The following WDFY4 variants were observed in gnomAD, a reference collection of about 807,000 sequenced individuals.
The protein encoded by WDFY4 is WD repeat- and FYVE domain-containing protein 4.
WDFY4 carries 169 observed loss-of-function variants against 351.9 expected under a neutral mutation model. The ratio of observed to expected loss-of-function variants is 0.48; its 90% CI spans 0.42 to 0.55. The LOEUF is 0.55. Among genes scored for constraint, WDFY4 ranks in the 20% least tolerant of loss-of-function variants. WDFY4 has a pLI of 0.00. For missense variants in WDFY4, 3,803 were observed against 3,935.6 expected (o/e 0.97, Z 0.90); for synonymous variants, 1,622 against 1,574.6 (o/e 1.03, Z -0.71).
chr10:48,845,322 C>T (rs76935273), intron 39 of WDFY4, among the ~76,000 whole-genome samples: 1,967 of 152,332 alleles, frequency 0.013, 22 homozygotes, highest in Admixed American at 0.02. Context: ...GGGCTTCCTT[C>T]AACCTCCCCC....
At chr10:48,866,336 CAT>C (rs1353582877) in intron 39 of WDFY4, among the ~76,000 whole-genome samples, 1 of 151,880 alleles carries the variant, frequency 6.6e-6, no homozygotes, top group Non-Finnish European at 1.5e-5. Context: ...TTCTTTGACC[CAT>C]TAGTTATTTA....
chr10:48,804,881 A>G, intron 25 of WDFY4: 1 of 656,956 alleles, frequency 1.5e-6, no homozygotes, highest in Non-Finnish European at 1.9e-6. Context: ...CAACCAGACA[A>G]GCTAGTGAAG....
chr10:48,779,394 G>A (rs2066144262), intron 18 of WDFY4, among the ~76,000 whole-genome samples: 1 of 152,216 alleles, frequency 6.6e-6, no homozygotes, highest in Non-Finnish European at 1.5e-5. Flanking sequence ...GCCTGAGATG[G>A]TCAAGTCCAG....
At chr10:48,904,276 TG>T (rs2133428095) in intron 47 of WDFY4, among the ~76,000 whole-genome samples, 1 of 152,306 alleles carries the variant, frequency 6.6e-6, no homozygotes, top group East Asian at 1.9e-4. Flanking sequence ...CCAACTGTAA[TG>T]GGCATAGTTT....
At chr10:48,841,792 G>A (rs1417827433) in intron 39 of WDFY4, among the ~76,000 whole-genome samples, 1 of 152,198 alleles carries the variant, frequency 6.6e-6, no homozygotes, top group Non-Finnish European at 1.5e-5. Context: ...TCTTAGATTA[G>A]GGGTCTTCCT....
At position 48,977,104 on chromosome 10, in the gene WDFY4, C is replaced by T. The variant is rs73298972; in HGVS notation, c.9291+125C>T. ...GAGACCATTCCAGAACGGGTACCTA[C>T]AGCAAAGGAAGGGAAAAGACAAGGC... On this transcript the variant is annotated intron_variant, in intron 59 of 61. Coordinates refer to ENST00000325239, the MANE Select transcript of WDFY4 (RefSeq NM_001394531.1). The T allele has an allele frequency of 1.8e-4, 171 of 959,196 alleles. No individual in the cohort carries two copies. In the African/African-American group the frequency reaches 2.7e-3, roughly 15 times the overall value. The allele number at this position is 959,196 out of a possible 1,614,324, so 59.4% of individuals were successfully genotyped here. A position where few individuals can be genotyped will look rare whatever the true frequency, so the allele number is the denominator to read the frequency against.
rs1314343959 is a variant in WDFY4, at chr10:48,830,619, A to T, written c.6341-81A>T. On this transcript the variant is annotated intron_variant, in intron 37 of 61. Coordinates refer to ENST00000325239, the MANE Select transcript of WDFY4 (RefSeq NM_001394531.1). ...AAGTGAGAAGGGTGTGGGTAAAACCACTCATGATGCACCATCTCCCAGCCC... is the reference window on the plus strand; with the variant it reads ...AAGTGAGAAGGGTGTGGGTAAAACCTCTCATGATGCACCATCTCCCAGCCC... 4.1e-6 allele frequency: 6 copies of T among 1,456,766 alleles called. No homozygotes were observed. The Admixed American group carries it at 1.1e-4, about 26-fold the overall frequency. The allele number at this position is 1,456,766 out of a possible 1,614,324, so 90.2% of individuals were successfully genotyped here. A position where few individuals can be genotyped will look rare whatever the true frequency, so the allele number is the denominator to read the frequency against.
At chr10:48,804,709 A>G in intron 25 of WDFY4, 1 of 984,822 alleles carries the variant, frequency 1.0e-6, no homozygotes, top group Non-Finnish European at 1.2e-6. Context: ...ACAGATATTT[A>G]TCCTGGGAGC....
At chr10:48,977,175 TACACACACAGACACACACATGCAC>T (rs1564545722) in intron 59 of WDFY4, 196 bp downstream of exon 59, 4 of 398,040 alleles carry the variant, frequency 1.0e-5, no homozygotes, top group Non-Finnish European at 1.7e-5. Context: ...TATATAGTAT[TACACACACAGACACACACATGCAC>T]ACACACACAG....
intron 5 of WDFY4, among the ~76,000 whole-genome samples, chr10:48,724,399 G>A (rs569061498): frequency 3.8e-4 from 58 of 152,258 alleles, no homozygotes; most frequent in African/African-American, 1.4e-3. Context: ...GGTAGTGCAT[G>A]AGTTCTGGCA....
chr10:48,900,169 C>G, intron 45 of WDFY4, 52 bp from the exon 46 acceptor site: 2 of 1,487,058 alleles, frequency 1.3e-6, no homozygotes, highest in South Asian at 2.5e-5. Context: ...CACCCTGGGG[C>G]GTCTCTAGTC....
chr10:48,741,480 ATG>A (rs2064849569), intron 11 of WDFY4, among the ~76,000 whole-genome samples: 3 of 141,044 alleles, frequency 2.1e-5, no homozygotes, highest in African/African-American at 5.2e-5. Flanking sequence ...AAAAAAAAAA[ATG>A]GAGCTCCCAA....
chr10:48,771,275 T>C lies in WDFY4; in HGVS notation c.2554-3183T>C, dbSNP rs144749347. ...ATATGGAAGAACACTATCTTATTTC[T>C]GTCACTTAGTGCTAGCAACATACTC... On this transcript the variant is annotated intron_variant, in intron 13 of 61. Transcript: ENST00000325239. Among the ~76,000 whole-genome samples, 2 of 152,390 alleles carry C rather than the reference T, an allele frequency of 1.3e-5. 1 individual carries two copies. Among genetic ancestry groups the C allele is most frequent in the Non-Finnish European group, 2.9e-5 (2 of 68,034 alleles).
Position 48,970,114 on chromosome 10 carries a change from C to A in WDFY4, c.8770-17C>A, listed in dbSNP as rs1423270924. On this transcript the variant is annotated splice_polypyrimidine_tract_variant and intron_variant, in intron 56 of 61. Coordinates refer to ENST00000325239, the MANE Select transcript of WDFY4 (RefSeq NM_001394531.1). ...TGCTGTCTCCACAGCAGCGCTCATC[C>A]CCCTTATCTCCTACAGGTCCTGATG... The A allele has an allele frequency of 6.4e-7, 1 of 1,550,866 alleles. No individual in the cohort carries two copies. Among genetic ancestry groups the A allele is most frequent in the East Asian group, 2.4e-5 (1 of 40,906 alleles).
At chr10:48,712,282 A>G (rs2063786879) in intron 2 of WDFY4, among the ~76,000 whole-genome samples, 1 of 152,212 alleles carries the variant, frequency 6.6e-6, no homozygotes, top group South Asian at 2.1e-4. Context: ...AGACAAGACA[A>G]TGATTATAAA....
chr10:48,765,283 T>C (rs1202566485), intron 13 of WDFY4, among the ~76,000 whole-genome samples: 1 of 152,236 alleles, frequency 6.6e-6, no homozygotes, highest in East Asian at 1.9e-4. Flanking sequence ...AGGGCAGACT[T>C]CAGGCTCTGA....
intron 1 of WDFY4, among the ~76,000 whole-genome samples, chr10:48,704,323 G>A (rs1264258021): frequency 6.6e-6 from 1 of 152,186 alleles, no homozygotes; most frequent in Non-Finnish European, 1.5e-5. Context: ...GGCTGTGTGA[G>A]AAGGCAAGTT....
intron 7 of WDFY4, among the ~76,000 whole-genome samples, chr10:48,728,669 C>T (rs534821598): frequency 4.3e-4 from 66 of 152,216 alleles, no homozygotes; most frequent in Non-Finnish European, 6.6e-4. Context: ...TCCAAAGGGA[C>T]GCTAAGTGTA....
intron 43 of WDFY4, among the ~76,000 whole-genome samples, chr10:48,879,614 T>G (rs1312497880): frequency 6.6e-6 from 1 of 152,222 alleles, no homozygotes; most frequent in Non-Finnish European, 1.5e-5. Flanking sequence ...TGCTAGAGCC[T>G]CAGATGGCTG....
Sources: gnomAD v4.1 joint callset for allele counts (sites outside exome capture counted in the v4.1 genomes callset) on GRCh38, gnomAD v4.1.1 for gene constraint, MANE v1.5 for transcripts, NCBI Gene and HGNC (gene_info 2026-07-23, HGNC 2026-07-21) for gene names.